The following NLGN1 variants were observed in gnomAD, a reference collection of about 807,000 sequenced individuals.
NLGN1 encodes the protein neuroligin-1.
NLGN1 carries 12 observed loss-of-function variants against 65.5 expected under a neutral mutation model. That is an observed-to-expected ratio of 0.18 (90% CI 0.12 to 0.30). The LOEUF (loss-of-function observed/expected upper bound fraction) is 0.30. Ranked by LOEUF, NLGN1 falls within the 10% of genes least tolerant of loss-of-function variation. NLGN1 has a pLI of 1.00. For synonymous variants in NLGN1, 350 were observed against 359.5 expected (o/e 0.97, Z 0.30); for missense variants, 750 against 1,007.1 (o/e 0.74, Z 3.46).
At chr3:174,118,952 CT>C (rs1717163318) in intron 4 of NLGN1, among the ~76,000 whole-genome samples, 1 of 152,012 alleles carries the variant, frequency 6.6e-6, no homozygotes. Flanking sequence ...CAATATTCTT[CT>C]CTATAATCTT....
At chr3:173,778,503 TC>T (rs1780652700) in intron 3 of NLGN1, among the ~76,000 whole-genome samples, 1 of 151,908 alleles carries the variant, frequency 6.6e-6, no homozygotes, top group South Asian at 2.1e-4. Flanking sequence ...TGCCAGATTT[TC>T]CCTAAAAATA....
chr3:173,997,145 A>G (rs886090999), intron 4 of NLGN1, among the ~76,000 whole-genome samples: 1 of 152,184 alleles, frequency 6.6e-6, no homozygotes, highest in Non-Finnish European at 1.5e-5. Context: ...ATAAAAATTT[A>G]GAGCAAACTA....
intron 2 of NLGN1, among the ~76,000 whole-genome samples, chr3:173,600,476 A>G (rs934797613): frequency 7.2e-5 from 11 of 152,190 alleles, no homozygotes; most frequent in African/African-American, 2.6e-4. Context: ...TATTTTTTAA[A>G]ACACATATGC....
At chr3:174,285,261 C>A (rs965583540) in exon 7 of NLGN1, 1 of 151,390 alleles carries the variant, frequency 6.6e-6, no homozygotes, top group African/African-American at 2.4e-5. Context: ...ATTTTGTTTT[C>A]TTCTGTGTTA....
intron 4 of NLGN1, among the ~76,000 whole-genome samples, chr3:174,201,657 GA>G (rs1734538479): frequency 7.4e-6 from 1 of 135,606 alleles, no homozygotes; most frequent in African/African-American, 2.7e-5. Context: ...CAAGTTCATT[GA>G]GCTTAAATAT....
chr3:174,177,909 G>T (rs1322314841), intron 4 of NLGN1, among the ~76,000 whole-genome samples: 1 of 152,052 alleles, frequency 6.6e-6, no homozygotes, highest in African/African-American at 2.4e-5. Context: ...GGATGTACCT[G>T]CCTCATCATG....
At chr3:174,150,550 A>G (rs748359152) in intron 4 of NLGN1, among the ~76,000 whole-genome samples, 1 of 152,094 alleles carries the variant, frequency 6.6e-6, no homozygotes, top group African/African-American at 2.4e-5. Flanking sequence ...AGCCAACCCT[A>G]CCTTCCTAGA....
At chr3:173,836,695 T>G (rs1723686028) in intron 4 of NLGN1, among the ~76,000 whole-genome samples, 1 of 152,164 alleles carries the variant, frequency 6.6e-6, no homozygotes, top group South Asian at 2.1e-4. Context: ...TCAACTTCCA[T>G]CTCCCCCATT....
chr3:173,988,970 G>A (rs1680798450), intron 4 of NLGN1, among the ~76,000 whole-genome samples: 1 of 151,970 alleles, frequency 6.6e-6, no homozygotes, highest in Non-Finnish European at 1.5e-5. Flanking sequence ...TACATACTTA[G>A]GATGCTGAAG....
At chr3:173,792,095 G>T (rs1332977078) in intron 3 of NLGN1, among the ~76,000 whole-genome samples, 1 of 152,136 alleles carries the variant, frequency 6.6e-6, no homozygotes, top group Admixed American at 6.6e-5. Flanking sequence ...AACTCATGTG[G>T]AATAGCACAG....
intron 4 of NLGN1, among the ~76,000 whole-genome samples, chr3:174,274,506 C>T (rs1420213601): frequency 6.6e-6 from 1 of 151,616 alleles, no homozygotes; most frequent in African/African-American, 2.4e-5. Flanking sequence ...AAACTCTCTC[C>T]CCTACCTCCG....
chr3:174,267,970 G>A (rs977474913), intron 4 of NLGN1, among the ~76,000 whole-genome samples: 2 of 152,052 alleles, frequency 1.3e-5, no homozygotes, highest in African/African-American at 4.8e-5. Context: ...ACTTAAGAGA[G>A]ATAAAAATAA....
chr3:173,571,311 T>C (rs1249521003), intron 2 of NLGN1, among the ~76,000 whole-genome samples: 1 of 152,224 alleles, frequency 6.6e-6, no homozygotes. Context: ...TTGAAGTGCT[T>C]AGTGAATAGT....
intron 3 of NLGN1, among the ~76,000 whole-genome samples, chr3:173,612,256 T>G (rs1752418297): frequency 6.6e-6 from 1 of 152,158 alleles, no homozygotes; most frequent in Admixed American, 6.6e-5. Context: ...TTTCTAATCA[T>G]AAATCTTCAC....
intron 2 of NLGN1, among the ~76,000 whole-genome samples, chr3:173,526,858 G>T (rs1735727082): frequency 6.6e-6 from 1 of 152,094 alleles, no homozygotes; most frequent in African/African-American, 2.4e-5. Context: ...TTGTTTTTCT[G>T]TACCTGGCTT....
chr3:173,994,637 A>G (rs1721901616), intron 4 of NLGN1, among the ~76,000 whole-genome samples: 2 of 152,124 alleles, frequency 1.3e-5, no homozygotes. Context: ...TGTTTAGCAA[A>G]GATCCAGGCA....
chr3:173,611,482 C>G (rs1233137761), intron 3 of NLGN1, among the ~76,000 whole-genome samples: 1 of 151,856 alleles, frequency 6.6e-6, no homozygotes, highest in African/African-American at 2.4e-5. Flanking sequence ...AAATTGGTGG[C>G]CAATTTGCTA....
intron 2 of NLGN1, among the ~76,000 whole-genome samples, chr3:173,519,186 A>G (rs1051323477): frequency 1.3e-5 from 2 of 152,196 alleles, no homozygotes; most frequent in Non-Finnish European, 2.9e-5. Context: ...CTAGATTACT[A>G]TACTATGTAT....
intron 3 of NLGN1, among the ~76,000 whole-genome samples, chr3:173,663,623 C>A (rs1761272370): frequency 6.6e-6 from 1 of 151,886 alleles, no homozygotes. Context: ...ATTAAAACCA[C>A]CCACAAATGA....
Sources: allele counts gnomAD v4.1 joint callset (sites outside exome capture counted in the v4.1 genomes callset), GRCh38; gene constraint gnomAD v4.1.1; transcripts MANE v1.5; gene names NCBI Gene and HGNC (gene_info 2026-07-23, HGNC 2026-07-21).